SP100: variants seen among roughly 807,000 people sequenced by gnomAD.
SP100 encodes SP100 nuclear body protein.
In SP100, 84 loss-of-function variants were observed where a neutral mutation model predicts 130.0. That is an observed-to-expected ratio of 0.65 (90% CI 0.54 to 0.77). The LOEUF is 0.77. Ranked by LOEUF, SP100 falls within the 30% of genes least tolerant of loss-of-function variation. The pLI is 0.00. For missense variants in SP100, 978 were observed against 1,052.2 expected (o/e 0.93, Z 0.97); for synonymous variants, 331 against 351.7 (o/e 0.94, Z 0.66).
chr2:230,472,236 G>A (rs898501051), intron 15 of SP100, among the ~76,000 whole-genome samples: 4 of 151,872 alleles, frequency 2.6e-5, no homozygotes, highest in African/African-American at 9.7e-5. Context: ...AGACCATCCT[G>A]GCTAAAACGG....
intron 17 of SP100, among the ~76,000 whole-genome samples, chr2:230,482,288 T>C (rs2065870574): frequency 6.6e-6 from 1 of 152,220 alleles, no homozygotes; most frequent in Non-Finnish European, 1.5e-5. Context: ...AGTGAATAAA[T>C]ACTCTCGCTT....
At chr2:230,425,736 A>G (rs1415995937) in intron 2 of SP100, among the ~76,000 whole-genome samples, 2 of 151,776 alleles carry the variant, frequency 1.3e-5, no homozygotes, top group Non-Finnish European at 2.9e-5. Flanking sequence ...CTTGTAGTAT[A>G]CTAATCTGGC....
At chr2:230,476,118 T>C (rs1021560431) in intron 17 of SP100, among the ~76,000 whole-genome samples, 3 of 152,226 alleles carry the variant, frequency 2.0e-5, no homozygotes, top group Admixed American at 2.0e-4. Flanking sequence ...ATCTATAAAT[T>C]GATTTAAACA....
chr2:230,448,787 G>A lies in SP100; in HGVS notation c.524-301G>A, dbSNP rs111989917. On this transcript the variant is annotated intron_variant, in intron 5 of 28. Transcript: ENST00000340126. The stretch of plus-strand genomic sequence containing the variant: ...AGGGCCCTGGGCAGGGTAGCTCTGG[G>A]GACAAAGGCAGGATCACTCTGCCAT... Among the ~76,000 whole-genome samples the A allele has an allele frequency of 1.8e-3, 281 of 152,260 alleles. 3 individuals carry two copies. Among genetic ancestry groups the A allele is most frequent in the African/African-American group, 6.4e-3 (266 of 41,556 alleles).
intron 7 of SP100, 39 bp downstream of exon 7, chr2:230,449,749 A>G: frequency 3.1e-6 from 5 of 1,610,822 alleles, no homozygotes; most frequent in Non-Finnish European, 4.2e-6. Flanking sequence ...GGAGGAGCCA[A>G]GGGGCCCTGG....
At chr2:230,535,207 A>AT (rs397732294) in intron 24 of SP100, among the ~76,000 whole-genome samples, 1 of 151,756 alleles carries the variant, frequency 6.6e-6, no homozygotes, top group African/African-American at 2.4e-5. Flanking sequence ...AAAAAAAAAA[A>AT]GTATCTTATA....
intron 2 of SP100, among the ~76,000 whole-genome samples, chr2:230,424,075 G>C (rs1413684337): frequency 6.6e-6 from 1 of 152,202 alleles, no homozygotes; most frequent in East Asian, 1.9e-4. Context: ...GTGATGTGAA[G>C]TCCAGCTCTG....
In SP100 at chr2:230,542,527, A is replaced by G. The variant is rs551902175; in HGVS notation, c.2548-309A>G. 1.5e-4 allele frequency among the ~76,000 whole-genome samples: 23 copies of G among 152,354 alleles called. No individual in the cohort carries two copies. In the South Asian group the frequency reaches 4.6e-3, roughly 30 times the overall value. Reference sequence around the variant, plus strand: ...AAGGAAGACATTATTAAATGGCCTTAAACATTTCTGTACTATCATAAGGTT... The same window carrying G: ...AAGGAAGACATTATTAAATGGCCTTGAACATTTCTGTACTATCATAAGGTT... On this transcript the variant is annotated intron_variant, in intron 28 of 28. Coordinates refer to ENST00000340126, the MANE Select transcript of SP100 (RefSeq NM_001080391.2).
chr2:230,416,319 T>C lies in SP100; in HGVS notation c.23T>C (p.Leu8Pro). MAGGGGD[L>P]STRRLNECIS... ...AAGATGGCAGGTGGGGGCGGCGACC[T>C]GAGCACCAGGTGAGTCTTTATCTCC... The change falls in exon 1 of 29, where the codon CTG becomes CCG. Residue 8 changes from leucine (L) to proline (P), a missense_variant. By Grantham distance (98) the Leu-to-Pro change is moderately conservative. Coordinates refer to ENST00000340126, the MANE Select transcript of SP100 (RefSeq NM_001080391.2). 1 of 1,613,532 alleles carries C rather than the reference T, an allele frequency of 6.2e-7. No individual in the cohort carries two copies. The highest frequency in any genetic ancestry group is 8.5e-7 in the Non-Finnish European group (1 of 1,179,572).
At position 230,417,601 on chromosome 2, in the gene SP100, G is replaced by A. The variant is rs748483506; in HGVS notation, c.43G>A (p.Glu15Lys). ...AAATTGTCTTTCTAGGAGGCTGAAT[G>A]AATGTATTTCACCAGTAGCAAATGA... is the stretch of plus-strand genomic sequence containing the variant. ...GGDLSTRRLN[E>K]CISPVANEMN... Residue 15 changes from glutamate (E) to lysine (K), a missense_variant, in exon 2 of 29, where the codon GAA (glutamate) becomes AAA (lysine). Physicochemically the swap from Glu to Lys is moderately conservative, Grantham distance 56. Coordinates refer to ENST00000340126, the MANE Select transcript of SP100 (RefSeq NM_001080391.2). 1.2e-5 allele frequency: 20 copies of A among 1,612,642 alleles called. No individual in the cohort carries two copies. The South Asian group carries it at 2.0e-4, about 16-fold the overall frequency.
intron 17 of SP100, among the ~76,000 whole-genome samples, chr2:230,486,874 C>T (rs1328595166): frequency 2.0e-5 from 3 of 152,204 alleles, no homozygotes; most frequent in Admixed American, 2.0e-4. Flanking sequence ...GCCATTCTGA[C>T]TGGTGTGAGA....
intron 24 of SP100, chr2:230,515,306 C>A (rs765982752): frequency 1.2e-6 from 2 of 1,613,112 alleles, no homozygotes; most frequent in Non-Finnish European, 1.7e-6. Flanking sequence ...CCCAATGCAC[C>A]CAAGAGGCCT....
intron 2 of SP100, among the ~76,000 whole-genome samples, chr2:230,441,290 A>T (rs188971156): frequency 2.0e-5 from 3 of 152,344 alleles, no homozygotes; most frequent in Non-Finnish European, 4.4e-5. Context: ...GGAATGGCTA[A>T]AACTAGAAAG....
At chr2:230,467,340 T>C in intron 13 of SP100, 125 bp downstream of exon 13, 1 of 690,058 alleles carries the variant, frequency 1.4e-6, no homozygotes, top group African/African-American at 1.8e-5. Context: ...CATCTGGCCA[T>C]TTTGAAAAAT....
intron 17 of SP100, among the ~76,000 whole-genome samples, chr2:230,489,932 A>C (rs968291509): frequency 1.3e-5 from 2 of 152,168 alleles, no homozygotes; most frequent in African/African-American, 4.8e-5. Flanking sequence ...TTTACTTCCA[A>C]TTATGTGGTC....
chr2:230,540,135 A>G (rs796573393), intron 25 of SP100, among the ~76,000 whole-genome samples: 11 of 152,312 alleles, frequency 7.2e-5, no homozygotes, highest in African/African-American at 2.6e-4. Flanking sequence ...TTTTTGGTTG[A>G]GCCCTTGTAT....
intron 3 of SP100, 145 bp from the exon 4 acceptor site, chr2:230,444,033 A>G (rs2149905384): frequency 1.6e-6 from 1 of 615,934 alleles, no homozygotes; most frequent in Non-Finnish European, 2.7e-6. Context: ...ATTACTGGCT[A>G]TACAAATAAG....
chr2:230,525,677 A>G (rs1362583848), intron 24 of SP100, among the ~76,000 whole-genome samples: 1 of 152,132 alleles, frequency 6.6e-6, no homozygotes, highest in Non-Finnish European at 1.5e-5. Context: ...TATACTAGAA[A>G]CAATATACTC....
At chr2:230,474,371 G>A in intron 16 of SP100, 23 bp from the exon 17 acceptor site, 1 of 1,386,988 alleles carries the variant, frequency 7.2e-7, no homozygotes, top group Non-Finnish European at 1.0e-6. Context: ...ACAGTTCTCT[G>A]ACCACTACCT....
Sources: gnomAD v4.1 joint callset for allele counts (sites outside exome capture counted in the v4.1 genomes callset) on GRCh38, gnomAD v4.1.1 for gene constraint, MANE v1.5 for transcripts, NCBI Gene and HGNC (gene_info 2026-07-23, HGNC 2026-07-21) for gene names.